The following FAR2 variants were observed in gnomAD, a reference collection of about 807,000 sequenced individuals.
The protein encoded by FAR2 is epididymis secretory protein Li 81.
FAR2 carries 19 observed loss-of-function variants against 56.0 expected under a neutral mutation model. The ratio of observed to expected loss-of-function variants is 0.34; its 90% CI spans 0.24 to 0.50. The LOEUF (loss-of-function observed/expected upper bound fraction) is 0.50, where lower values mean the gene tolerates loss of function less well. Among genes scored for constraint, FAR2 ranks in the 20% least tolerant of loss-of-function variants. The pLI is 0.98. For synonymous variants in FAR2, 219 were observed against 218.8 expected, an observed-to-expected ratio of 1.00 and a Z score of -0.01; for missense variants, 508 against 642.2, an observed-to-expected ratio of 0.79 and a Z score of 2.26.
At chr12:29,319,202 G>A (rs769467704) in intron 9 of FAR2, among the ~76,000 whole-genome samples, 1 of 151,984 alleles carries the variant, frequency 6.6e-6, no homozygotes, top group Non-Finnish European at 1.5e-5. Context: ...TCTTGACCAG[G>A]CTGGTCTCGA....
Position 29,270,629 on chromosome 12 carries a change from A to G in FAR2, c.180A>G (p.Leu60=). The part of the protein sequence containing the change: ...QTLQQRVFQI[L]DSKLFEKVKE... ...TGCAGCAGAGGGTTTTCCAGATCCTAGACAGTAAGGTATGCCTTATAGGAA... is the reference window on the plus strand; with the variant it reads ...TGCAGCAGAGGGTTTTCCAGATCCTGGACAGTAAGGTATGCCTTATAGGAA... The change falls in exon 2 of 12, where the codon CTA becomes CTG. Residue 60 remains leucine, a synonymous_variant. Transcript: ENST00000536681. 6.8e-6 allele frequency: 11 copies of G among 1,611,876 alleles called. No individual in the cohort carries two copies. The highest frequency in any genetic ancestry group is 9.3e-6 in the Non-Finnish European group (11 of 1,178,758).
intron 2 of FAR2, chr12:29,281,398 T>C (rs1161682893): frequency 6.6e-6 from 1 of 152,190 alleles, no homozygotes; most frequent in Non-Finnish European, 1.5e-5. Flanking sequence ...ATCTAATCTC[T>C]GGGAGGAACC....
chr12:29,156,194 C>A (rs1273484801), intron 1 of FAR2, among the ~76,000 whole-genome samples: 1 of 152,008 alleles, frequency 6.6e-6, no homozygotes, highest in East Asian at 1.9e-4. Flanking sequence ...AGCGGAATGA[C>A]TATAGTCAAT....
intron 1 of FAR2, among the ~76,000 whole-genome samples, chr12:29,193,097 T>A (rs188918138): frequency 0.021 from 3,136 of 152,244 alleles, 52 homozygotes; most frequent in Admixed American, 0.032. Context: ...TATTTTTTTT[T>A]AGCAGTTTTT....
intron 1 of FAR2, among the ~76,000 whole-genome samples, chr12:29,225,526 A>C (rs1947752251): frequency 6.6e-6 from 1 of 152,196 alleles, no homozygotes; most frequent in Non-Finnish European, 1.5e-5. Flanking sequence ...GCTCTAAAAA[A>C]TTCGCATATT....
chr12:29,232,821 G>GCGCA (rs71444325), intron 1 of FAR2, among the ~76,000 whole-genome samples: 2 of 145,858 alleles, frequency 1.4e-5, no homozygotes, highest in African/African-American at 5.0e-5. Context: ...ACGCGCTCGC[G>GCGCA]CACACACACA....
intron 2 of FAR2, among the ~76,000 whole-genome samples, chr12:29,271,300 CT>C (rs1261847802): frequency 6.6e-6 from 1 of 152,134 alleles, no homozygotes; most frequent in Non-Finnish European, 1.5e-5. Context: ...GCAGTATAAC[CT>C]TGGGTCTCAA....
chr12:29,205,378 A>G (rs548322669), intron 1 of FAR2, among the ~76,000 whole-genome samples: 2 of 152,342 alleles, frequency 1.3e-5, no homozygotes, highest in South Asian at 4.1e-4. Context: ...TTGATGTGTT[A>G]TACCAAAATT....
At chr12:29,174,901 G>A (rs147851844) in intron 1 of FAR2, among the ~76,000 whole-genome samples, 12,022 of 152,178 alleles carry the variant, frequency 0.079, 618 homozygotes, top group Non-Finnish European at 0.13. Context: ...ACTTGTTGTT[G>A]GGACCCCGAA....
At chr12:29,324,892 C>T (rs1256013028) in intron 10 of FAR2, among the ~76,000 whole-genome samples, 3 of 152,204 alleles carry the variant, frequency 2.0e-5, no homozygotes, top group African/African-American at 4.8e-5. Flanking sequence ...CAAATTCACA[C>T]ATAACAATAC....
intron 1 of FAR2, among the ~76,000 whole-genome samples, chr12:29,203,705 T>C (rs6487783): frequency 0.78 from 118,090 of 152,052 alleles, 46,808 homozygotes; most frequent in East Asian, 0.91. Flanking sequence ...CTCAGGTAGA[T>C]GAAAATTATG....
chr12:29,305,402 T>C (rs913559641), intron 4 of FAR2, among the ~76,000 whole-genome samples: 1 of 152,142 alleles, frequency 6.6e-6, no homozygotes, highest in African/African-American at 2.4e-5. Flanking sequence ...CCTCCCAAAG[T>C]GCTGAGATTA....
intron 1 of FAR2, among the ~76,000 whole-genome samples, chr12:29,262,987 C>A (rs201030891): frequency 6.6e-6 from 1 of 152,044 alleles, no homozygotes; most frequent in East Asian, 1.9e-4. Flanking sequence ...CAAAAAATAA[C>A]ACTTATAGCT....
chr12:29,201,215 G>GGAGGA (rs1947407310), intron 1 of FAR2, among the ~76,000 whole-genome samples: 1 of 152,130 alleles, frequency 6.6e-6, no homozygotes, highest in East Asian at 1.9e-4. Flanking sequence ...CTGTTTCACA[G>GGAGGA]ATGCTGCCAT....
intron 1 of FAR2, among the ~76,000 whole-genome samples, chr12:29,245,289 C>G (rs546487727): frequency 6.6e-6 from 1 of 152,132 alleles, no homozygotes. Flanking sequence ...CCTGTCTGCC[C>G]TTTTAAAGTA....
At position 29,332,744 on chromosome 12, in the gene FAR2, A is replaced by G. The variant is rs548164419; in HGVS notation, c.1385+17A>G. The stretch of plus-strand genomic sequence containing the variant: ...CTTAAAAAGGTAAGTATAATCAGTC[A>G]GTTAATATTTATTGAGCACCTACTG... On this transcript the variant is annotated intron_variant, in intron 11 of 11. Transcript: ENST00000536681. 1.2e-6 allele frequency: 2 copies of G among 1,607,796 alleles called. No homozygotes were observed. Among genetic ancestry groups the G allele is most frequent in the South Asian group, 1.1e-5 (1 of 90,502 alleles).
chr12:29,307,567 G>T lies in FAR2; in HGVS notation c.546-91G>T, dbSNP rs115785862. 438 of 1,296,162 alleles carry T rather than the reference G, an allele frequency of 3.4e-4. 3 individuals carry two copies. The African/African-American group carries it at 6.0e-3, about 18-fold the overall frequency. 80.3% of individuals were successfully genotyped at this position (1,296,162 alleles called of 1,614,324 possible). A position where few individuals can be genotyped will look rare whatever the true frequency, so the allele number is the denominator to read the frequency against. On this transcript the variant is annotated intron_variant, in intron 4 of 11. Coordinates refer to ENST00000536681, the MANE Select transcript of FAR2 (RefSeq NM_001271783.2). ...CTGAATTCCAGAACCGAGGCTAAAA[G>T]GTGGAAGTTTTGTTTGATTGTGTCT...
chr12:29,189,360 T>C (rs745522979), intron 1 of FAR2, among the ~76,000 whole-genome samples: 3 of 152,218 alleles, frequency 2.0e-5, no homozygotes, highest in Admixed American at 6.5e-5. Flanking sequence ...CTCTTTCAGG[T>C]TGGCTCCTAT....
intron 2 of FAR2, among the ~76,000 whole-genome samples, chr12:29,271,823 C>A (rs114267006): frequency 0.054 from 8,143 of 152,182 alleles, 519 homozygotes; most frequent in African/African-American, 0.15. Flanking sequence ...TTTGCAATAA[C>A]CCTGTGAAGT....
Sources: gnomAD v4.1 joint callset for allele counts (sites outside exome capture counted in the v4.1 genomes callset) on GRCh38, gnomAD v4.1.1 for gene constraint, MANE v1.5 for transcripts, NCBI Gene and HGNC (gene_info 2026-07-23, HGNC 2026-07-21) for gene names.